The following SOX5 variants were observed in gnomAD, a reference collection of about 807,000 sequenced individuals.
The protein encoded by SOX5 is SRY-box transcription factor 5.
A neutral mutation model predicts 92.0 loss-of-function variants in SOX5; 9 were observed. That is an observed-to-expected ratio of 0.10 (90% confidence interval 0.06 to 0.17). The LOEUF is 0.17. Ranked by LOEUF, SOX5 falls within the 10% of genes least tolerant of loss-of-function variation. The probability of loss-of-function intolerance (pLI) is 1.00; values close to 1 mark genes in which losing one functional copy is unlikely to be tolerated. For synonymous variants in SOX5, 344 were observed against 336.3 expected (o/e 1.02, Z -0.25); for missense variants, 642 against 944.5 (o/e 0.68, Z 4.20).
At chr12:23,908,101 C>T (rs908639812) in intron 1 of SOX5, among the ~76,000 whole-genome samples, 14 of 152,172 alleles carry the variant, frequency 9.2e-5, no homozygotes, top group Admixed American at 3.9e-4. Flanking sequence ...GCATGGTCTA[C>T]GTCTTGAAAT....
At chr12:24,224,382 A>G (rs1961368318) in intron 3 of SOX5, among the ~76,000 whole-genome samples, 1 of 151,070 alleles carries the variant, frequency 6.6e-6, no homozygotes, top group Non-Finnish European at 1.5e-5. Context: ...AATTATCTAG[A>G]GAGTATTTGA....
At chr12:23,547,260 C>T (rs1373380611) in intron 11 of SOX5, among the ~76,000 whole-genome samples, 2 of 152,096 alleles carry the variant, frequency 1.3e-5, no homozygotes, top group Non-Finnish European at 2.9e-5. Context: ...AACTTGATAA[C>T]TTTCTCGTGA....
At chr12:24,214,116 T>C (rs891239723) in intron 3 of SOX5, among the ~76,000 whole-genome samples, 2 of 152,114 alleles carry the variant, frequency 1.3e-5, no homozygotes, top group Non-Finnish European at 2.9e-5. Context: ...ATAGAATACA[T>C]AAGCACTTAG....
chr12:23,781,709 T>C (rs1306756803), intron 3 of SOX5, among the ~76,000 whole-genome samples: 1 of 152,032 alleles, frequency 6.6e-6, no homozygotes, highest in African/African-American at 2.4e-5. Flanking sequence ...TTTCTGGGGT[T>C]TATATGTGTA....
intron 4 of SOX5, among the ~76,000 whole-genome samples, chr12:24,144,196 AAAAT>A (rs1158039818): frequency 6.6e-6 from 1 of 152,190 alleles, no homozygotes; most frequent in Non-Finnish European, 1.5e-5. Flanking sequence ...GTTCTGAAGA[AAAAT>A]AACTGACAAC....
chr12:23,622,678 C>A (rs1185871671), intron 8 of SOX5, among the ~76,000 whole-genome samples: 1 of 152,068 alleles, frequency 6.6e-6, no homozygotes, highest in Non-Finnish European at 1.5e-5. Context: ...TACCATTGAT[C>A]TGGTACATCA....
intron 6 of SOX5, among the ~76,000 whole-genome samples, chr12:23,713,245 A>G (rs1161542525): frequency 6.6e-6 from 1 of 152,206 alleles, no homozygotes; most frequent in Non-Finnish European, 1.5e-5. Flanking sequence ...GAAGCTAGGG[A>G]GAGGCATGCT....
At chr12:23,541,403 A>ATATT (rs1942010968) in intron 13 of SOX5, among the ~76,000 whole-genome samples, 1 of 152,210 alleles carries the variant, frequency 6.6e-6, no homozygotes, top group Non-Finnish European at 1.5e-5. Context: ...AATAACTGAT[A>ATATT]TATTAAAACA....
chr12:24,278,900 T>A, intron 2 of SOX5, among the ~76,000 whole-genome samples: 1 of 149,906 alleles, frequency 6.7e-6, no homozygotes, highest in African/African-American at 2.5e-5. Flanking sequence ...TTTAGTTAAG[T>A]GAATTGTCTC....
intron 1 of SOX5, among the ~76,000 whole-genome samples, chr12:24,408,226 G>A (rs1046423624): frequency 6.6e-6 from 1 of 152,116 alleles, no homozygotes; most frequent in Non-Finnish European, 1.5e-5. Flanking sequence ...GCCAAAAGAC[G>A]CTTTCAGATT....
intron 4 of SOX5, among the ~76,000 whole-genome samples, chr12:24,061,427 T>TGGTCATATCCAATGATTATGGTTATGGA (rs1569528820): frequency 1.9e-4 from 29 of 152,052 alleles, no homozygotes; most frequent in African/African-American, 6.5e-4. Context: ...TCACAATGTT[T>TGGTCATATCCAATGATTATGGTTATGGA]GGTCATATCC....
intron 3 of SOX5, among the ~76,000 whole-genome samples, chr12:23,830,807 C>A (rs1425254094): frequency 6.6e-6 from 1 of 152,118 alleles, no homozygotes; most frequent in South Asian, 2.1e-4. Context: ...TCTAGTTTAA[C>A]TTGCCTGTTG....
At chr12:23,655,221 A>G (rs2082161002) in intron 7 of SOX5, among the ~76,000 whole-genome samples, 1 of 152,088 alleles carries the variant, frequency 6.6e-6, no homozygotes, top group African/African-American at 2.4e-5. Context: ...AAGAAGTCTG[A>G]GTATCCCTGA....
intron 4 of SOX5, among the ~76,000 whole-genome samples, chr12:24,002,563 G>T (rs1025375768): frequency 2.3e-5 from 3 of 131,732 alleles, no homozygotes; most frequent in African/African-American, 9.5e-5. Flanking sequence ...TTTAAAAATT[G>T]AATTAGTAAT....
At chr12:24,061,744 G>GA (rs59840985) in intron 4 of SOX5, among the ~76,000 whole-genome samples, 5,707 of 80,976 alleles carry the variant, frequency 0.07, 352 homozygotes, top group African/African-American at 0.2. Flanking sequence ...CAATATGACA[G>GA]AAAAAAAAAA....
At chr12:24,022,927 A>AT (rs1394186645) in intron 4 of SOX5, among the ~76,000 whole-genome samples, 2 of 152,012 alleles carry the variant, frequency 1.3e-5, no homozygotes, top group African/African-American at 4.8e-5. Context: ...TGGGTAAAAA[A>AT]AAAAAACTGG....
chr12:23,647,749 C>T (rs899459897), intron 7 of SOX5, among the ~76,000 whole-genome samples: 1 of 152,224 alleles, frequency 6.6e-6, no homozygotes, highest in Non-Finnish European at 1.5e-5. Context: ...TCTCATCTCT[C>T]TCAGCCTTCG....
At chr12:23,761,070 T>C (rs2094550440) in intron 3 of SOX5, among the ~76,000 whole-genome samples, 1 of 152,136 alleles carries the variant, frequency 6.6e-6, no homozygotes, top group Admixed American at 6.6e-5. Flanking sequence ...TGTGATAGTG[T>C]ACACATTGAG....
At chr12:23,638,897 A>G (rs1002160878) in intron 8 of SOX5, among the ~76,000 whole-genome samples, 13 of 152,100 alleles carry the variant, frequency 8.5e-5, no homozygotes, top group African/African-American at 3.1e-4. Context: ...CAAAAAAAAA[A>G]AAAACAACTT....
Sources: gnomAD v4.1 joint callset for allele counts (sites outside exome capture counted in the v4.1 genomes callset) on GRCh38, gnomAD v4.1.1 for gene constraint, MANE v1.5 for transcripts, NCBI Gene and HGNC (gene_info 2026-07-23, HGNC 2026-07-21) for gene names.